The following MAPK10 variants were observed in gnomAD, a reference collection of about 807,000 sequenced individuals.
MAPK10 encodes the protein JNK3 alpha protein kinase.
A neutral mutation model predicts 59.3 loss-of-function variants in MAPK10; 25 were observed. The ratio of observed to expected loss-of-function variants is 0.42; its 90% CI spans 0.31 to 0.59. The LOEUF (loss-of-function observed/expected upper bound fraction) is 0.59. MAPK10 is among the 20% of genes least tolerant of loss of function. The pLI, the probability that MAPK10 is intolerant of heterozygous loss-of-function variation, is 0.15. For missense variants in MAPK10, 351 were observed against 568.9 expected, an observed-to-expected ratio of 0.62 and a Z score of 3.90; for synonymous variants, 190 against 200.5, an observed-to-expected ratio of 0.95 and a Z score of 0.44.
chr4:86,150,792 G>A (rs1355226753), intron 4 of MAPK10, among the ~76,000 whole-genome samples: 1 of 152,154 alleles, frequency 6.6e-6, no homozygotes, highest in African/African-American at 2.4e-5. Flanking sequence ...AACCAGGGAG[G>A]TGGAGCTTGC....
chr4:86,175,342 C>A (rs1338502711), intron 3 of MAPK10, among the ~76,000 whole-genome samples: 1 of 152,118 alleles, frequency 6.6e-6, no homozygotes, highest in Non-Finnish European at 1.5e-5. Flanking sequence ...GCCATGTTTT[C>A]ATTCACACAA....
At chr4:86,382,403 C>T (rs1238023234) in intron 1 of MAPK10, among the ~76,000 whole-genome samples, 1 of 152,184 alleles carries the variant, frequency 6.6e-6, no homozygotes, top group African/African-American at 2.4e-5. Flanking sequence ...TAAGCTTTTA[C>T]TTATTATTCT....
chr4:86,558,454 T>C (rs1396612064), intron 1 of MAPK10, among the ~76,000 whole-genome samples: 1 of 152,110 alleles, frequency 6.6e-6, no homozygotes, highest in African/African-American at 2.4e-5. Flanking sequence ...TCTTTATAGT[T>C]GAGGAAATGG....
upstream of MAPK10, among the ~76,000 whole-genome samples, chr4:86,454,658 T>C (rs1303655768): frequency 1.3e-5 from 2 of 152,100 alleles, no homozygotes; most frequent in African/African-American, 2.4e-5. Flanking sequence ...CTAAGAATAA[T>C]GGTGTTCCTG....
At chr4:86,561,584 T>A (rs1457178752) in intron 1 of MAPK10, among the ~76,000 whole-genome samples, 2 of 152,172 alleles carry the variant, frequency 1.3e-5, no homozygotes, top group Non-Finnish European at 2.9e-5. Flanking sequence ...CTGTTTCTTA[T>A]GAAAAATTAG....
At chr4:86,328,495 T>C (rs570719180) in intron 2 of MAPK10, among the ~76,000 whole-genome samples, 242 of 152,296 alleles carry the variant, frequency 1.6e-3, no homozygotes, top group Middle Eastern at 3.4e-3. Flanking sequence ...GCAATCTGAT[T>C]ACTGGGTATA....
intron 1 of MAPK10, among the ~76,000 whole-genome samples, chr4:86,528,855 C>T (rs184206549): frequency 2.3e-3 from 348 of 152,268 alleles, no homozygotes; most frequent in South Asian, 8.3e-3. Context: ...AGACTTAGTC[C>T]TATTCATTTA....
At chr4:86,137,271 CA>C (rs1356538291) in intron 4 of MAPK10, among the ~76,000 whole-genome samples, 1 of 151,806 alleles carries the variant, frequency 6.6e-6, no homozygotes, top group African/African-American at 2.4e-5. Context: ...CAAAATTGAC[CA>C]TATACTTGGA....
intron 2 of MAPK10, among the ~76,000 whole-genome samples, chr4:86,220,585 T>C (rs1055544964): frequency 1.3e-5 from 2 of 152,248 alleles, no homozygotes; most frequent in African/African-American, 4.8e-5. Flanking sequence ...TTTATATACA[T>C]ATATGATTAA....
chr4:86,574,475 C>A (rs926014542), intron 1 of MAPK10, among the ~76,000 whole-genome samples: 3 of 151,590 alleles, frequency 2.0e-5, no homozygotes, highest in African/African-American at 2.4e-5. Flanking sequence ...CCTGAGGAGT[C>A]GCCACACTGA....
chr4:86,312,650 T>C (rs1050208237), intron 2 of MAPK10, among the ~76,000 whole-genome samples: 5 of 152,114 alleles, frequency 3.3e-5, no homozygotes, highest in Non-Finnish European at 7.4e-5. Flanking sequence ...GGATATTAAG[T>C]GATATCTAAC....
At chr4:86,495,367 A>G (rs367604945) in intron 1 of MAPK10, among the ~76,000 whole-genome samples, 3 of 152,232 alleles carry the variant, frequency 2.0e-5, no homozygotes, top group Non-Finnish European at 2.9e-5. Context: ...CCCATGGCCA[A>G]TCTGGCCTAT....
intron 1 of MAPK10, among the ~76,000 whole-genome samples, chr4:86,405,113 C>T (rs2149021025): frequency 6.6e-6 from 1 of 152,266 alleles, no homozygotes; most frequent in Admixed American, 6.5e-5. Flanking sequence ...GGTTTCCAAA[C>T]ACAGAGTTCC....
At chr4:86,547,578 G>C (rs867915585) in intron 1 of MAPK10, among the ~76,000 whole-genome samples, 2 of 152,198 alleles carry the variant, frequency 1.3e-5, no homozygotes, top group African/African-American at 2.4e-5. Context: ...CCTCCCCTAA[G>C]AGCGCCGCCC....
intron 1 of MAPK10, among the ~76,000 whole-genome samples, chr4:86,424,492 A>G (rs1295652740): frequency 1.3e-5 from 2 of 151,946 alleles, no homozygotes; most frequent in Non-Finnish European, 1.5e-5. Context: ...TACCTGGCCA[A>G]CTTCTTCAAG....
At chr4:86,161,480 A>C (rs1298325856) in intron 3 of MAPK10, among the ~76,000 whole-genome samples, 1 of 152,100 alleles carries the variant, frequency 6.6e-6, no homozygotes. Flanking sequence ...ACTTTTTGGC[A>C]TATGAGTAGA....
intron 9 of MAPK10, among the ~76,000 whole-genome samples, chr4:86,074,484 A>T: frequency 2.1e-5 from 3 of 144,324 alleles, no homozygotes; most frequent in Non-Finnish European, 4.6e-5. Flanking sequence ...GTTTCTTCCT[A>T]GTCTCGATGG....
At chr4:86,327,405 C>T (rs2148905241) in intron 2 of MAPK10, 1 of 152,050 alleles carries the variant, frequency 6.6e-6, no homozygotes, top group Non-Finnish European at 1.5e-5. Context: ...AATTATCTCA[C>T]TTTTATCTCA....
upstream of MAPK10, among the ~76,000 whole-genome samples, chr4:86,453,831 A>G (rs947646735): frequency 2.0e-5 from 3 of 151,938 alleles, no homozygotes; most frequent in East Asian, 1.9e-4. Context: ...GCATTAATCA[A>G]TCAAAGCTAA....
Sources: allele counts gnomAD v4.1 joint callset (sites outside exome capture counted in the v4.1 genomes callset), GRCh38; gene constraint gnomAD v4.1.1; transcripts MANE v1.5; gene names NCBI Gene and HGNC (gene_info 2026-07-23, HGNC 2026-07-21).